KANSL1L: variants seen among roughly 807,000 people sequenced by gnomAD.
The protein encoded by KANSL1L is KAT8 regulatory NSL complex subunit 1-like protein.
KANSL1L carries 25 observed loss-of-function variants against 108.6 expected under a neutral mutation model. The ratio of observed to expected loss-of-function variants is 0.23; its 90% CI spans 0.17 to 0.32. KANSL1L has a LOEUF of 0.32. Among genes scored for constraint, KANSL1L ranks in the 10% least tolerant of loss-of-function variants. The pLI, the probability that KANSL1L is intolerant of heterozygous loss-of-function variation, is 1.00. For synonymous variants in KANSL1L, 405 were observed against 395.1 expected (o/e 1.03, Z -0.30); for missense variants, 1,137 against 1,125.7 (o/e 1.01, Z -0.14).
intron 3 of KANSL1L, among the ~76,000 whole-genome samples, chr2:210,106,949 G>T (rs1020966149): frequency 2.6e-5 from 4 of 151,792 alleles, no homozygotes; most frequent in Admixed American, 2.0e-4. Context: ...AATCCTCTGG[G>T]GACACAGCAG....
At chr2:210,058,821 A>AGTAACACCAATCTTTGGTGTTCCTTG (rs2094386865) in intron 6 of KANSL1L, among the ~76,000 whole-genome samples, 1 of 133,726 alleles carries the variant, frequency 7.5e-6, no homozygotes, top group African/African-American at 2.9e-5. Flanking sequence ...TGGGAGACAG[A>AGTAACACCAATCTTTGGTGTTCCTTG]GCGAGACTCC....
At chr2:210,139,957 G>A (rs1559594632) in intron 2 of KANSL1L, among the ~76,000 whole-genome samples, 1 of 151,842 alleles carries the variant, frequency 6.6e-6, no homozygotes, top group Non-Finnish European at 1.5e-5. Flanking sequence ...TACCCAAGCT[G>A]GTCTCAAATT....
chr2:210,085,730 C>T (rs1054293071), intron 5 of KANSL1L, among the ~76,000 whole-genome samples: 1 of 151,536 alleles, frequency 6.6e-6, no homozygotes, highest in African/African-American at 2.4e-5. Flanking sequence ...CTTAATATTT[C>T]AATATAAGCA....
Position 210,044,209 on chromosome 2 carries a change from A to G in KANSL1L, c.1756-105T>C. The G allele has an allele frequency of 1.4e-6, 1 of 722,228 alleles. No homozygotes were observed. 44.7% of individuals were successfully genotyped at this position (722,228 alleles called of 1,614,324 possible). A position where few individuals can be genotyped will look rare whatever the true frequency, so the allele number is the denominator to read the frequency against. On this transcript the variant is annotated intron_variant, in intron 6 of 14. Coordinates refer to ENST00000281772, the MANE Select transcript of KANSL1L (RefSeq NM_152519.4). This position sits in a 1 kb window ranked among gnomAD's most constrained non-coding sequence, Gnocchi z 4.2. ...TTAAATAAAATTTTCCAGTTCTACA[A>G]AAAGTTTTACAAATATTTTGCTAGA...
At chr2:210,165,874 G>C (rs1232996376) in intron 1 of KANSL1L, among the ~76,000 whole-genome samples, 2 of 152,186 alleles carry the variant, frequency 1.3e-5, no homozygotes, top group Non-Finnish European at 2.9e-5. Flanking sequence ...GGTGAGTACA[G>C]TAAGGTAAGA....
chr2:210,165,082 G>A (rs1575652380), intron 1 of KANSL1L, among the ~76,000 whole-genome samples: 2 of 151,138 alleles, frequency 1.3e-5, no homozygotes. Context: ...GGCCAGGCTG[G>A]TCTCGAACTC....
At chr2:210,104,576 T>G (rs2094827831) in intron 3 of KANSL1L, among the ~76,000 whole-genome samples, 1 of 152,130 alleles carries the variant, frequency 6.6e-6, no homozygotes. Flanking sequence ...ATTAAAAGCA[T>G]GACATATTAA....
intron 1 of KANSL1L, among the ~76,000 whole-genome samples, chr2:210,169,862 T>C (rs569426857): frequency 6.6e-6 from 1 of 152,360 alleles, no homozygotes; most frequent in Admixed American, 6.5e-5. Flanking sequence ...TTTAAAAAAT[T>C]CACTTTTGTT....
In KANSL1L at chr2:210,171,295, G is replaced by GGCCGCCGCCGCCGCCGCCGCCGCCGCC. The variant is rs66917529; in HGVS notation, c.-203_-177dup. On this transcript the variant is annotated 5_prime_UTR_variant, in exon 1 of 15. Coordinates refer to ENST00000281772, the MANE Select transcript of KANSL1L (RefSeq NM_152519.4). Reference sequence around the variant, plus strand: ...CCAGAGCGCGCCCCGCTCCCGCCCCGGCCGCCGCCGCCGCCGCCGCCGCCG... The same window carrying GGCCGCCGCCGCCGCCGCCGCCGCCGCC: ...CCAGAGCGCGCCCCGCTCCCGCCCCGGCCGCCGCCGCCGCCGCCGCCGCCGCCGCCGCCGCCGCCGCCGCCGCCGCCG... 4 of 168,162 alleles carry GGCCGCCGCCGCCGCCGCCGCCGCCGCC rather than the reference G, an allele frequency of 2.4e-5. No homozygotes were observed. Among genetic ancestry groups the GGCCGCCGCCGCCGCCGCCGCCGCCGCC allele is most frequent in the African/African-American group, 9.8e-5 (4 of 40,992 alleles). The allele number at this position is 168,162 out of a possible 1,614,324, so 10.4% of individuals were successfully genotyped here.
At chr2:210,051,009 C>G (rs1010990044) in intron 6 of KANSL1L, among the ~76,000 whole-genome samples, 2 of 152,092 alleles carry the variant, frequency 1.3e-5, no homozygotes, top group African/African-American at 4.8e-5. Flanking sequence ...CAAGAATGAG[C>G]CACCATATCC....
intron 11 of KANSL1L, chr2:210,028,277 T>C (rs2093964222): frequency 6.6e-6 from 1 of 152,310 alleles, no homozygotes; most frequent in African/African-American, 2.4e-5. Context: ...ACTTGTCCTG[T>C]GCCTTTGTTG....
chr2:210,166,708 T>C (rs117006281), intron 1 of KANSL1L, among the ~76,000 whole-genome samples: 3 of 152,036 alleles, frequency 2.0e-5, no homozygotes, highest in East Asian at 3.9e-4. Context: ...AGAAACAAAC[T>C]AGGAAAACAT....
intron 8 of KANSL1L, among the ~76,000 whole-genome samples, chr2:210,036,327 A>G (rs2094103320): frequency 6.6e-6 from 1 of 151,872 alleles, no homozygotes; most frequent in Non-Finnish European, 1.5e-5. Flanking sequence ...GACTACAGGC[A>G]TGCACCACCA....
At chr2:210,166,778 G>A (rs1024113994) in intron 1 of KANSL1L, among the ~76,000 whole-genome samples, 10 of 152,034 alleles carry the variant, frequency 6.6e-5, no homozygotes, top group African/African-American at 1.7e-4. Context: ...ACTACCAACA[G>A]TATTTTGAGA....
At chr2:210,031,614 T>C (rs1243419972) in intron 8 of KANSL1L, 68 bp from the exon 9 acceptor site, 9 of 1,011,484 alleles carry the variant, frequency 8.9e-6, no homozygotes, top group African/African-American at 1.7e-5. Context: ...TGTCAATCTG[T>C]TTTTATTTGT....
chr2:210,143,477 T>C (rs890706591), intron 2 of KANSL1L, among the ~76,000 whole-genome samples: 3 of 152,180 alleles, frequency 2.0e-5, no homozygotes, highest in Non-Finnish European at 4.4e-5. Context: ...AGGTTTATTA[T>C]TGCCTTTGTG....
intron 6 of KANSL1L, among the ~76,000 whole-genome samples, chr2:210,065,290 CAAAAAAA>C (rs60860386): frequency 4.3e-4 from 23 of 53,300 alleles, no homozygotes; most frequent in African/African-American, 1.7e-3. Context: ...GACTCTGTCT[CAAAAAAA>C]AAAAAAAAAA....
intron 2 of KANSL1L, among the ~76,000 whole-genome samples, chr2:210,131,709 CTTT>C (rs749224357): frequency 2.9e-5 from 4 of 139,328 alleles, no homozygotes; most frequent in African/African-American, 2.6e-5. Context: ...AATAAATTTT[CTTT>C]TTTTTTTTTT....
At chr2:210,111,388 G>A (rs1390663557) in intron 3 of KANSL1L, among the ~76,000 whole-genome samples, 3 of 152,066 alleles carry the variant, frequency 2.0e-5, no homozygotes, top group Non-Finnish European at 4.4e-5. Context: ...GCAAAATAGA[G>A]ATTAATGTTT....
Sources: allele counts gnomAD v4.1 joint callset (sites outside exome capture counted in the v4.1 genomes callset), GRCh38; gene constraint gnomAD v4.1.1; non-coding constraint Gnocchi (gnomAD v3.1); transcripts MANE v1.5; gene names NCBI Gene and HGNC (gene_info 2026-07-23, HGNC 2026-07-21).